CBX5: variants seen among roughly 807,000 people sequenced by gnomAD.
CBX5 encodes chromobox 5.
In CBX5, 7 loss-of-function variants were observed where a neutral mutation model predicts 20.7. The ratio of observed to expected loss-of-function variants is 0.34; its 90% CI spans 0.19 to 0.63. The LOEUF (loss-of-function observed/expected upper bound fraction) is 0.63, where lower values mean the gene tolerates loss of function less well. CBX5 is among the 30% of genes least tolerant of loss of function. CBX5 has a pLI of 0.75. For synonymous variants in CBX5, 78 were observed against 77.0 expected (o/e 1.01, Z -0.07); for missense variants, 110 against 224.1 (o/e 0.49, Z 3.25).
At chr12:54,269,128 C>G (rs2137029522) in intron 1 of CBX5, among the ~76,000 whole-genome samples, 1 of 152,100 alleles carries the variant, frequency 6.6e-6, no homozygotes, top group African/African-American at 2.4e-5. Flanking sequence ...GGCGTGGTGG[C>G]ACGTGCCTGT....
At position 54,231,704 on chromosome 12, in the gene CBX5, A is replaced by ACT. The variant is rs1943571406; in HGVS notation, c.*10050_*10051insAG. On this transcript the variant is annotated 3_prime_UTR_variant, in exon 5 of 5. Coordinates refer to ENST00000209875, the MANE Select transcript of CBX5 (RefSeq NM_012117.3). Reference sequence around the variant, plus strand: ...CTCAAACCAGAGGGAAAAAAGGTCAAGGTTAGGTTCAGACTGCAGACACTA... The same window carrying ACT: ...CTCAAACCAGAGGGAAAAAAGGTCAACTGGTTAGGTTCAGACTGCAGACACTA... 1 of 152,302 alleles carries ACT rather than the reference A, an allele frequency of 6.6e-6. No individual in the cohort carries two copies. Among genetic ancestry groups the ACT allele is most frequent in the Non-Finnish European group, 1.5e-5 (1 of 68,080 alleles). 9.4% of individuals were successfully genotyped at this position (152,302 alleles called of 1,614,324 possible). A position where few individuals can be genotyped will look rare whatever the true frequency, so the allele number is the denominator to read the frequency against.
rs1943666449 is a variant in CBX5 at position 54,240,539 on chromosome 12, T to C, written c.*1216A>G. ...ACTGTGCCTGGCCATGAAAATTCAT[T>C]TTAAAAAATAAGATACAACTATAAG... On this transcript the variant is annotated 3_prime_UTR_variant, in exon 5 of 5. Transcript: ENST00000209875. 1 of 152,086 alleles carries C rather than the reference T, an allele frequency of 6.6e-6. No individual in the cohort carries two copies. The highest frequency in any genetic ancestry group is 6.6e-5 in the Admixed American group (1 of 15,260). 9.4% of individuals were successfully genotyped at this position (152,086 alleles called of 1,614,324 possible).
Position 54,241,681 on chromosome 12 carries a change from T to A in CBX5, c.*74A>T. 7.2e-7 allele frequency: 1 copy of A among 1,391,344 alleles called. No individual in the cohort carries two copies. Among genetic ancestry groups the A allele is most frequent in the Non-Finnish European group, 9.9e-7 (1 of 1,015,052 alleles). 86.2% of individuals were successfully genotyped at this position (1,391,344 alleles called of 1,614,324 possible). A position where few individuals can be genotyped will look rare whatever the true frequency, so the allele number is the denominator to read the frequency against. ...TGGATGTGTTTAGGATAGAAAGGGGTGGGTAGAAAGGAGAGGAGGCAGGGA... is the reference window on the plus strand; with the variant it reads ...TGGATGTGTTTAGGATAGAAAGGGGAGGGTAGAAAGGAGAGGAGGCAGGGA... On this transcript the variant is annotated 3_prime_UTR_variant, in exon 5 of 5. Coordinates refer to ENST00000209875, the MANE Select transcript of CBX5 (RefSeq NM_012117.3).
At chr12:54,261,322 G>A (rs1217624029) in intron 1 of CBX5, among the ~76,000 whole-genome samples, 1 of 151,224 alleles carries the variant, frequency 6.6e-6, no homozygotes, top group Non-Finnish European at 1.5e-5. Flanking sequence ...TTTTGAGACG[G>A]AGTCTCGCTC....
chr12:54,242,291 C>T (rs1283425680), intron 4 of CBX5, among the ~76,000 whole-genome samples: 3 of 151,620 alleles, frequency 2.0e-5, no homozygotes, highest in South Asian at 2.1e-4. Context: ...TTTGGGAGGC[C>T]GAGGCGGGTG....
chr12:54,236,173 A>C lies in CBX5; in HGVS notation c.*5582T>G, dbSNP rs1258085955. On this transcript the variant is annotated 3_prime_UTR_variant, in exon 5 of 5. Coordinates refer to ENST00000209875, the MANE Select transcript of CBX5 (RefSeq NM_012117.3). ...GGCTACAAACTATACAACATCAGCC[A>C]GTCTGTCTCTGCCCCCAAGTCAGAA... is the stretch of plus-strand genomic sequence containing the variant. 1 of 152,236 alleles carries C rather than the reference A, an allele frequency of 6.6e-6. No homozygotes were observed. The highest frequency in any genetic ancestry group is 2.4e-5 in the African/African-American group (1 of 41,466). 9.4% of individuals were successfully genotyped at this position (152,236 alleles called of 1,614,324 possible).
intron 3 of CBX5, among the ~76,000 whole-genome samples, chr12:54,251,516 CAAAAAAAA>C: frequency 1.5e-5 from 1 of 68,098 alleles, no homozygotes. Flanking sequence ...GACTCTGTCT[CAAAAAAAA>C]AAAAAAAAAA....
At chr12:54,255,206 C>T (rs1401090244) in intron 2 of CBX5, among the ~76,000 whole-genome samples, 1 of 152,126 alleles carries the variant, frequency 6.6e-6, no homozygotes, top group African/African-American at 2.4e-5. Context: ...GCAGGCAGAT[C>T]GCTTGAACCC....
chr12:54,276,919 A>C (rs1453191795), intron 1 of CBX5: 1 of 152,248 alleles, frequency 6.6e-6, no homozygotes, highest in Non-Finnish European at 1.5e-5. Context: ...GTGAAAAAGA[A>C]GGATGTGAGG....
Position 54,237,350 on chromosome 12 carries a change from A to G in CBX5, c.*4405T>C, listed in dbSNP as rs1394503207. The stretch of plus-strand genomic sequence containing the variant: ...CCAGCAAATAAAGGATTTTCCATGA[A>G]CAGAAAAGCAAATATAAATGCAGTT... On this transcript the variant is annotated 3_prime_UTR_variant, in exon 5 of 5. Transcript: ENST00000209875. 2.0e-5 allele frequency: 3 copies of G among 152,256 alleles called. No individual in the cohort carries two copies. The highest frequency in any genetic ancestry group is 7.2e-5 in the African/African-American group (3 of 41,472). The allele number at this position is 152,256 out of a possible 1,614,324, so 9.4% of individuals were successfully genotyped here.
intron 1 of CBX5, among the ~76,000 whole-genome samples, chr12:54,268,607 TGA>T: frequency 6.6e-6 from 1 of 152,324 alleles, no homozygotes; most frequent in South Asian, 2.1e-4. Flanking sequence ...TGGTTGATTA[TGA>T]GATATTTATT....
intron 1 of CBX5, among the ~76,000 whole-genome samples, chr12:54,268,398 G>A (rs1354222831): frequency 6.6e-6 from 1 of 152,162 alleles, no homozygotes; most frequent in South Asian, 2.1e-4. Context: ...TATATTGACA[G>A]TTAAATGCAA....
chr12:54,256,609 T>C (rs1943865101), intron 2 of CBX5, among the ~76,000 whole-genome samples: 1 of 152,084 alleles, frequency 6.6e-6, no homozygotes, highest in African/African-American at 2.4e-5. Context: ...ATGCAGCTAG[T>C]TTGAATGGAG....
intron 4 of CBX5, among the ~76,000 whole-genome samples, chr12:54,244,812 C>T (rs747193216): frequency 7.9e-5 from 12 of 152,106 alleles, no homozygotes; most frequent in Non-Finnish European, 1.6e-4. Context: ...ATAACTTGTG[C>T]TTTGGCCAGT....
At position 54,246,034 on chromosome 12, in the gene CBX5, G is replaced by C. The variant is rs1208323618; in HGVS notation, c.425+81C>G. The C allele has an allele frequency of 2.1e-5, 20 of 939,704 alleles. No homozygotes were observed. In the Admixed American group the frequency reaches 2.6e-4, roughly 12 times the overall value. 58.2% of individuals were successfully genotyped at this position (939,704 alleles called of 1,614,324 possible). A position where few individuals can be genotyped will look rare whatever the true frequency, so the allele number is the denominator to read the frequency against. On this transcript the variant is annotated intron_variant, in intron 4 of 4. Transcript: ENST00000209875. Reference sequence around the variant, plus strand: ...AAAATTCATGGTTTGGGAATATGCAGTCTTGCCACCCTATCTTCCACACAA... The same window carrying C: ...AAAATTCATGGTTTGGGAATATGCACTCTTGCCACCCTATCTTCCACACAA...
intron 4 of CBX5, among the ~76,000 whole-genome samples, chr12:54,243,453 C>G (rs1248389446): frequency 6.6e-6 from 1 of 151,770 alleles, no homozygotes; most frequent in Non-Finnish European, 1.5e-5. Context: ...CCCAGCTACT[C>G]AGGAGACTGA....
rs1943582839 is a variant in CBX5 at position 54,232,926 on chromosome 12, T to A, written c.*8829A>T. 6.6e-6 allele frequency: 1 copy of A among 152,164 alleles called. No individual in the cohort carries two copies. The highest frequency in any genetic ancestry group is 2.4e-5 in the African/African-American group (1 of 41,430). The allele number at this position is 152,164 out of a possible 1,614,324, so 9.4% of individuals were successfully genotyped here. On this transcript the variant is annotated 3_prime_UTR_variant, in exon 5 of 5. Coordinates refer to ENST00000209875, the MANE Select transcript of CBX5 (RefSeq NM_012117.3). ...AATTCCTAAAATCCAGAAAGCAAGATCACATTCCAACAGAAACAATGAATA... is the reference window on the plus strand; with the variant it reads ...AATTCCTAAAATCCAGAAAGCAAGAACACATTCCAACAGAAACAATGAATA...
rs551333583 is a variant in CBX5, at chr12:54,255,244, C to T, written c.137+2270G>A. Reference sequence around the variant, plus strand: ...GAGAGCGAGACCAGCCTGGGTAACACAGTGAGACCCTGTCTCTATTTTGAA... The same window carrying T: ...GAGAGCGAGACCAGCCTGGGTAACATAGTGAGACCCTGTCTCTATTTTGAA... On this transcript the variant is annotated intron_variant, in intron 2 of 4. Coordinates refer to ENST00000209875, the MANE Select transcript of CBX5 (RefSeq NM_012117.3). Among the ~76,000 whole-genome samples, 5 of 152,052 alleles carry T rather than the reference C, an allele frequency of 3.3e-5. 1 individual carries two copies. The highest frequency in any genetic ancestry group is 1.2e-4 in the African/African-American group (5 of 41,470).
chr12:54,252,357 TAAC>T, intron 2 of CBX5, 130 bp from the exon 3 acceptor site: 1 of 434,642 alleles, frequency 2.3e-6, no homozygotes, highest in East Asian at 3.9e-5. Flanking sequence ...TTAAAGAAGA[TAAC>T]AAATTTGATC....
Sources: gnomAD v4.1 joint callset for allele counts (sites outside exome capture counted in the v4.1 genomes callset) on GRCh38, gnomAD v4.1.1 for gene constraint, MANE v1.5 for transcripts, NCBI Gene and HGNC (gene_info 2026-07-23, HGNC 2026-07-21) for gene names.